Variants in ABCC4 observed in about 807,000 individuals in gnomAD.
ABCC4 encodes ATP-binding cassette sub-family C member 4.
Under a neutral mutation model 168.5 loss-of-function variants are expected in ABCC4, and 102 were observed. The ratio of observed to expected loss-of-function variants is 0.61; its 90% CI spans 0.52 to 0.71. The LOEUF (loss-of-function observed/expected upper bound fraction) is 0.71. Among genes scored for constraint, ABCC4 ranks in the 30% least tolerant of loss-of-function variants. The probability of loss-of-function intolerance (pLI) is 0.00; values close to 1 mark genes in which losing one functional copy is unlikely to be tolerated. For missense variants in ABCC4, 1,402 were observed against 1,605.8 expected, an observed-to-expected ratio of 0.87 and a Z score of 2.17; for synonymous variants, 617 against 590.7, an observed-to-expected ratio of 1.04 and a Z score of -0.65.
chr13:95,264,421 T>C (rs942644274), intron 1 of ABCC4, among the ~76,000 whole-genome samples: 1 of 152,154 alleles, frequency 6.6e-6, no homozygotes, highest in Non-Finnish European at 1.5e-5. Flanking sequence ...ATAATCAACT[T>C]TAGAACAGGG....
intron 26 of ABCC4, among the ~76,000 whole-genome samples, chr13:95,060,981 T>C (rs1362279437): frequency 2.0e-5 from 3 of 152,234 alleles, no homozygotes; most frequent in Non-Finnish European, 2.9e-5. Flanking sequence ...GTATCTCATA[T>C]TAGGGGAACC....
chr13:95,114,169 A>G (rs552720562), intron 20 of ABCC4, among the ~76,000 whole-genome samples: 1 of 152,330 alleles, frequency 6.6e-6, no homozygotes, highest in Admixed American at 6.5e-5. Flanking sequence ...TGAGTGGATA[A>G]TAACAAACGC....
chr13:95,174,311 C>T (rs977360663), intron 13 of ABCC4, among the ~76,000 whole-genome samples: 5 of 152,154 alleles, frequency 3.3e-5, no homozygotes, highest in African/African-American at 7.2e-5. Context: ...CAAATAGAAG[C>T]GTAATTCATT....
intron 19 of ABCC4, among the ~76,000 whole-genome samples, chr13:95,145,249 A>G (rs1416088412): frequency 1.3e-5 from 2 of 152,186 alleles, no homozygotes; most frequent in Non-Finnish European, 2.9e-5. Flanking sequence ...CAAAGAACTT[A>G]AAAGAAAACT....
At chr13:95,025,287 A>C (rs866816018) in intron 30 of ABCC4, among the ~76,000 whole-genome samples, 82 of 9,506 alleles carry the variant, frequency 8.6e-3, no homozygotes, top group African/African-American at 0.029. Flanking sequence ...ACACACCCCC[A>C]CACACACCCA....
At chr13:95,048,919 T>C (rs1395705048) in intron 27 of ABCC4, among the ~76,000 whole-genome samples, 2 of 152,234 alleles carry the variant, frequency 1.3e-5, no homozygotes, top group Non-Finnish European at 2.9e-5. Flanking sequence ...TTACTTACGT[T>C]ATATTTACAG....
intron 21 of ABCC4, among the ~76,000 whole-genome samples, chr13:95,081,405 A>G (rs183944479): frequency 3.3e-5 from 5 of 152,300 alleles, no homozygotes; most frequent in Admixed American, 3.3e-4. Flanking sequence ...TCATTTCATG[A>G]GCGGGCCCAA....
At chr13:95,156,535 A>G (rs1190735674) in intron 19 of ABCC4, among the ~76,000 whole-genome samples, 14 of 152,202 alleles carry the variant, frequency 9.2e-5, no homozygotes, top group Non-Finnish European at 1.9e-4. Context: ...CCCATTTATT[A>G]TGATTGGAAC....
intron 4 of ABCC4, among the ~76,000 whole-genome samples, chr13:95,225,160 C>CAG (rs2039428312): frequency 8.2e-5 from 2 of 24,362 alleles, no homozygotes; most frequent in Non-Finnish European, 2.3e-4. Flanking sequence ...CTCTCACACA[C>CAG]ACACACACAC....
chr13:95,133,710 C>T (rs767484118), intron 19 of ABCC4, among the ~76,000 whole-genome samples: 15 of 152,108 alleles, frequency 9.9e-5, no homozygotes, highest in Middle Eastern at 3.4e-3. Flanking sequence ...ACAACAACAG[C>T]GACATCTGAG....
At chr13:95,294,240 A>G (rs2138960681) in intron 1 of ABCC4, among the ~76,000 whole-genome samples, 1 of 152,184 alleles carries the variant, frequency 6.6e-6, no homozygotes, top group African/African-American at 2.4e-5. Flanking sequence ...AGCTCCTGTA[A>G]TCCCAGATAC....
intron 19 of ABCC4, among the ~76,000 whole-genome samples, chr13:95,135,652 G>A (rs910460221): frequency 6.6e-6 from 1 of 152,052 alleles, no homozygotes; most frequent in African/African-American, 2.4e-5. Context: ...GAGCTCAAGC[G>A]ATCCACCTGT....
At chr13:95,196,607 A>G (rs1483025985) in intron 8 of ABCC4, among the ~76,000 whole-genome samples, 1 of 6,982 alleles carries the variant, frequency 1.4e-4, no homozygotes, top group African/African-American at 5.9e-4. Context: ...GAAGGAAGGA[A>G]GGAAGGAAGG....
At chr13:95,154,250 C>T (rs551741597) in intron 19 of ABCC4, among the ~76,000 whole-genome samples, 4 of 152,118 alleles carry the variant, frequency 2.6e-5, no homozygotes, top group Non-Finnish European at 5.9e-5. Flanking sequence ...TTCCTTTGAA[C>T]ACAAAAAGCC....
chr13:95,027,683 T>G (rs188744016), intron 30 of ABCC4, among the ~76,000 whole-genome samples: 11 of 152,278 alleles, frequency 7.2e-5, no homozygotes, highest in Non-Finnish European at 1.3e-4. Context: ...TGTTATTGTT[T>G]ATAATGGGGA....
chr13:95,202,728 AACCTCC>A (rs1469407447), intron 8 of ABCC4, among the ~76,000 whole-genome samples: 1 of 141,172 alleles, frequency 7.1e-6, no homozygotes, highest in African/African-American at 2.7e-5. Flanking sequence ...AGCTCACTGC[AACCTCC>A]ACCTCCCGGG....
chr13:95,058,543 T>C (rs2033149257), intron 26 of ABCC4, among the ~76,000 whole-genome samples: 1 of 107,802 alleles, frequency 9.3e-6, no homozygotes, highest in African/African-American at 3.6e-5. Flanking sequence ...CAGTCCAGCC[T>C]GGCAACAGAG....
At chr13:95,059,003 T>A (rs972500302) in intron 26 of ABCC4, among the ~76,000 whole-genome samples, 6 of 152,236 alleles carry the variant, frequency 3.9e-5, no homozygotes, top group Non-Finnish European at 1.5e-5. Context: ...ATGGATATAA[T>A]AGAAAATATC....
intron 4 of ABCC4, among the ~76,000 whole-genome samples, chr13:95,210,982 G>A (rs1458193986): frequency 6.6e-6 from 1 of 151,862 alleles, no homozygotes; most frequent in Non-Finnish European, 1.5e-5. Flanking sequence ...AAAGCGAGAG[G>A]TAGGAAGAAG....
Sources: gnomAD v4.1 joint callset for allele counts (sites outside exome capture counted in the v4.1 genomes callset) on GRCh38, gnomAD v4.1.1 for gene constraint, MANE v1.5 for transcripts, NCBI Gene and HGNC (gene_info 2026-07-23, HGNC 2026-07-21) for gene names.